TOGARAM2: variants seen among roughly 807,000 people sequenced by gnomAD.
TOGARAM2 encodes TOG array regulator of axonemal microtubules protein 2.
Under a neutral mutation model 93.3 loss-of-function variants are expected in TOGARAM2, and 85 were observed. That is an observed-to-expected ratio of 0.91 (90% confidence interval 0.76 to 1.09). The LOEUF (loss-of-function observed/expected upper bound fraction) is 1.09. TOGARAM2 is among the 50% of genes least tolerant of loss of function. TOGARAM2 has a pLI of 0.00. For missense variants in TOGARAM2, 1,277 were observed against 1,334.5 expected (o/e 0.96, Z 0.67); for synonymous variants, 593 against 552.8 (o/e 1.07, Z -1.02).
chr2:29,010,185 C>T (rs1171987614), intron 6 of TOGARAM2, among the ~76,000 whole-genome samples: 1 of 152,100 alleles, frequency 6.6e-6, no homozygotes, highest in Non-Finnish European at 1.5e-5. Context: ...CTCATAGAAG[C>T]CAAGGGCAAC....
chr2:29,037,205 G>T (rs1558463193), intron 18 of TOGARAM2, among the ~76,000 whole-genome samples: 1 of 152,140 alleles, frequency 6.6e-6, no homozygotes, highest in African/African-American at 2.4e-5. Flanking sequence ...AAAGGTGAGA[G>T]CTTCTAGGTA....
In TOGARAM2 at chr2:29,035,568, A is replaced by G. The variant is rs201166546; in HGVS notation, c.2330A>G (p.Lys777Arg). The G allele has an allele frequency of 1.3e-4, 201 of 1,592,456 alleles. No homozygotes were observed. The highest frequency in any genetic ancestry group is 5.0e-4 in the Middle Eastern group (3 of 5,964). ...GAGCTGACACGGCTGCTGGAGGCCA[A>G]GGACTTCCGGTCCCGGATGGAAGGC... Reference protein sequence around the residue: ...LRELTRLLEAKDFRSRMEGVG... With the variant: ...LRELTRLLEARDFRSRMEGVG... Residue 777 changes from lysine to arginine, a missense_variant, in exon 17 of 20, where the codon AAG becomes AGG. Lys to Arg is a conservative substitution (Grantham distance 26). Coordinates refer to ENST00000379558, the MANE Select transcript of TOGARAM2 (RefSeq NM_199280.4).
At chr2:29,013,883 A>C (rs1335762818) in intron 7 of TOGARAM2, among the ~76,000 whole-genome samples, 4 of 152,196 alleles carry the variant, frequency 2.6e-5, no homozygotes, top group African/African-American at 9.7e-5. Flanking sequence ...ACCTAACATT[A>C]ACCATCACAC....
At chr2:29,015,438 A>C (rs1324297102) in intron 8 of TOGARAM2, among the ~76,000 whole-genome samples, 1 of 152,180 alleles carries the variant, frequency 6.6e-6, no homozygotes, top group Non-Finnish European at 1.5e-5. Context: ...CTTCAGTTCC[A>C]ACACTTGTTC....
Position 29,005,625 on chromosome 2 carries a change from GGA to G in TOGARAM2, c.830+1945_830+1946del, listed in dbSNP as rs1663682727. On this transcript the variant is annotated intron_variant, in intron 6 of 19. Coordinates refer to ENST00000379558, the MANE Select transcript of TOGARAM2 (RefSeq NM_199280.4). Reference sequence around the variant, plus strand: ...TGAGCATGCATGTGAGTGCATGTGTGGAGTGTGTGTGCATGTGTGTATGTGTG... The same window carrying G: ...TGAGCATGCATGTGAGTGCATGTGTGGTGTGTGTGCATGTGTGTATGTGTG... 4.3e-5 allele frequency among the ~76,000 whole-genome samples: 4 copies of G among 92,772 alleles called. No individual in the cohort carries two copies. The South Asian group carries it at 1.5e-3, about 36-fold the overall frequency. The allele number at this position is 92,772 out of a possible 152,430, so 60.9% of individuals were successfully genotyped here.
intron 19 of TOGARAM2, 91 bp from the exon 20 acceptor site, chr2:29,051,665 C>T: frequency 9.0e-7 from 1 of 1,106,976 alleles, no homozygotes; most frequent in Admixed American, 3.1e-5. Flanking sequence ...GGCTGCCAGC[C>T]CTTTGGGGGA....
At chr2:28,981,954 C>A (rs1040133718) in intron 1 of TOGARAM2, among the ~76,000 whole-genome samples, 2 of 152,096 alleles carry the variant, frequency 1.3e-5, no homozygotes, top group Non-Finnish European at 2.9e-5. Flanking sequence ...GGATGGCACC[C>A]GTGCTTAGGG....
intron 17 of TOGARAM2, 142 bp downstream of exon 17, chr2:29,035,798 A>C: frequency 1.3e-6 from 1 of 790,774 alleles, no homozygotes; most frequent in Non-Finnish European, 1.8e-6. Context: ...ACTACCTGGA[A>C]GTGGCTGAGT....
chr2:29,045,784 A>C, intron 19 of TOGARAM2: 1 of 290,092 alleles, frequency 3.4e-6, no homozygotes, highest in Non-Finnish European at 6.6e-6. Flanking sequence ...GGGATGCAGA[A>C]CTGGTATCAT....
At chr2:28,996,773 G>A (rs1196659888) in intron 2 of TOGARAM2, among the ~76,000 whole-genome samples, 1 of 120,002 alleles carries the variant, frequency 8.3e-6, no homozygotes, top group African/African-American at 3.2e-5. Context: ...GCAGTGAGCC[G>A]AGATCGCACC....
intron 1 of TOGARAM2, among the ~76,000 whole-genome samples, chr2:28,957,095 A>G (rs1157006130): frequency 6.6e-6 from 1 of 151,952 alleles, no homozygotes; most frequent in East Asian, 1.9e-4. Flanking sequence ...CAAGAGGGAG[A>G]CTTTGTCTCA....
chr2:29,026,156 C>T (rs1572740578), intron 13 of TOGARAM2, among the ~76,000 whole-genome samples: 1 of 152,246 alleles, frequency 6.6e-6, no homozygotes, highest in Admixed American at 6.5e-5. Context: ...ACTTTCTTGC[C>T]TTCCATTTCC....
intron 8 of TOGARAM2, 113 bp downstream of exon 8, chr2:29,014,674 A>T: frequency 7.2e-7 from 1 of 1,385,584 alleles, no homozygotes; most frequent in Non-Finnish European, 9.6e-7. Flanking sequence ...GAGCAGAGCA[A>T]GGAGAGCCCG....
At chr2:28,993,575 G>C (rs1291442323) in intron 1 of TOGARAM2, among the ~76,000 whole-genome samples, 1 of 152,236 alleles carries the variant, frequency 6.6e-6, no homozygotes, top group Non-Finnish European at 1.5e-5. Flanking sequence ...CCTTATCCCA[G>C]TAGATATTAA....
At chr2:29,035,708 A>C in intron 17 of TOGARAM2, 52 bp downstream of exon 17, 2 of 1,302,470 alleles carry the variant, frequency 1.5e-6, no homozygotes, top group Non-Finnish European at 2.0e-6. Context: ...TGGGGGGTGC[A>C]ACTTGAAGTT....
At chr2:29,008,357 G>A (rs116698693) in intron 6 of TOGARAM2, among the ~76,000 whole-genome samples, 11,445 of 152,082 alleles carry the variant, frequency 0.075, 507 homozygotes, top group African/African-American at 0.12. Context: ...CATCACATTG[G>A]TTAGGCTGGT....
At chr2:29,038,782 G>C (rs1285885111) in intron 18 of TOGARAM2, among the ~76,000 whole-genome samples, 1 of 152,154 alleles carries the variant, frequency 6.6e-6, no homozygotes, top group African/African-American at 2.4e-5. Flanking sequence ...TTTTGAGCAG[G>C]TGAAGCATGG....
chr2:29,006,454 G>GTGTGTGAGTGCATGTGTA (rs1379224193), intron 6 of TOGARAM2, among the ~76,000 whole-genome samples: 1 of 150,892 alleles, frequency 6.6e-6, no homozygotes, highest in African/African-American at 2.4e-5. Context: ...ATGTGTATCT[G>GTGTGTGAGTGCATGTGTA]TGTGTGAGTG....
Position 29,005,568 on chromosome 2 carries a change from CATGTGTGT to C in TOGARAM2, c.830+1895_830+1902del, listed in dbSNP as rs1336011530. Among the ~76,000 whole-genome samples the C allele has an allele frequency of 3.1e-5, 4 of 128,936 alleles. No individual in the cohort carries two copies. The East Asian group carries it at 9.7e-4, about 31-fold the overall frequency. 84.6% of individuals were successfully genotyped at this position (128,936 alleles called of 152,430 possible). A position where few individuals can be genotyped will look rare whatever the true frequency, so the allele number is the denominator to read the frequency against. Reference sequence around the variant, plus strand: ...TGTTCATGTGTGTGGAGTGTGTGTGCATGTGTGTATGTGTGTGAGGGCATGCATGTGTG... The same window carrying C: ...TGTTCATGTGTGTGGAGTGTGTGTGCATGTGTGTGAGGGCATGCATGTGTG... On this transcript the variant is annotated intron_variant, in intron 6 of 19. Transcript: ENST00000379558.
Sources: gnomAD v4.1 joint callset for allele counts (sites outside exome capture counted in the v4.1 genomes callset) on GRCh38, gnomAD v4.1.1 for gene constraint, MANE v1.5 for transcripts, NCBI Gene and HGNC (gene_info 2026-07-23, HGNC 2026-07-21) for gene names.